The following RARB variants were observed in gnomAD, a reference collection of about 807,000 sequenced individuals.
RARB encodes the protein retinoic acid receptor beta, also known as HBV-activated protein.
RARB carries 17 observed loss-of-function variants against 51.9 expected under a neutral mutation model. That is an observed-to-expected ratio of 0.33 (90% CI 0.22 to 0.49). RARB has a LOEUF of 0.49. RARB is among the 20% of genes least tolerant of loss of function. RARB has a pLI of 0.99. For missense variants in RARB, 369 were observed against 550.8 expected (o/e 0.67, Z 3.30); for synonymous variants, 215 against 195.4 (o/e 1.10, Z -0.84).
rs56751528 is a variant in RARB at position 25,058,848 on chromosome 3, T to C, written c.-379-1277T>C. On this transcript the variant is annotated intron_variant, in intron 2 of 11. Coordinates refer to the RARB transcript ENST00000383772. ...CAGGTCCCTATGAGTGAATATAATCTAGACATTTGAAAATTTTTATATTTG... is the reference window on the plus strand; with the variant it reads ...CAGGTCCCTATGAGTGAATATAATCCAGACATTTGAAAATTTTTATATTTG... Among the ~76,000 whole-genome samples the C allele has an allele frequency of 9.8e-3, 1,492 of 151,864 alleles. 34 individuals carry two copies. Among genetic ancestry groups the C allele is most frequent in the African/African-American group, 0.034 (1,416 of 41,504 alleles).
intron 5 of RARB, among the ~76,000 whole-genome samples, chr3:25,590,766 C>G (rs1435825214): frequency 6.6e-6 from 1 of 152,280 alleles, no homozygotes. Flanking sequence ...ATGATCTATC[C>G]GCCTTGCCCT....
chr3:25,553,319 C>G (rs1559464408), intron 3 of RARB, among the ~76,000 whole-genome samples: 1 of 152,156 alleles, frequency 6.6e-6, no homozygotes. Flanking sequence ...TCTTCACCAC[C>G]CCTCAAGGAA....
chr3:25,286,179 C>G (rs1037354306), intron 5 of RARB, among the ~76,000 whole-genome samples: 2 of 136,450 alleles, frequency 1.5e-5, no homozygotes, highest in African/African-American at 5.4e-5. Context: ...AGCTCCATCT[C>G]CCGGGTTCAC....
chr3:24,973,654 T>C (rs188444484), intron 2 of RARB, among the ~76,000 whole-genome samples: 1 of 152,114 alleles, frequency 6.6e-6, no homozygotes, highest in Admixed American at 6.6e-5. Flanking sequence ...GTTTTCCTTA[T>C]ACAGATCTTT....
chr3:25,284,463 TTTTA>T (rs71061206), intron 5 of RARB, among the ~76,000 whole-genome samples: 14,953 of 152,124 alleles, frequency 0.098, 935 homozygotes, highest in South Asian at 0.25. Context: ...TCAAGTGTAT[TTTTA>T]TTTGAGTAGT....
At chr3:25,205,411 C>A (rs576983014) in intron 5 of RARB, among the ~76,000 whole-genome samples, 2 of 152,114 alleles carry the variant, frequency 1.3e-5, no homozygotes, top group Non-Finnish European at 2.9e-5. Context: ...GGCTCACGTT[C>A]GGTGCGCTGC....
chr3:25,387,442 G>A (rs1238613773), intron 5 of RARB, among the ~76,000 whole-genome samples: 1 of 152,186 alleles, frequency 6.6e-6, no homozygotes, highest in Admixed American at 6.5e-5. Flanking sequence ...GAACCGAAGT[G>A]GGGAGGAGTT....
intron 2 of RARB, among the ~76,000 whole-genome samples, chr3:24,909,027 A>G (rs59964722): frequency 0.034 from 5,207 of 152,270 alleles, 185 homozygotes; most frequent in East Asian, 0.17. Flanking sequence ...CCCGTTATAT[A>G]ACACATTAGA....
At chr3:25,424,713 C>G (rs1168343361), upstream of RARB, among the ~76,000 whole-genome samples, 1 of 152,154 alleles carries the variant, frequency 6.6e-6, no homozygotes, top group East Asian at 1.9e-4. Flanking sequence ...TGAAAATCTT[C>G]TTATTTAGAC....
rs566373510 is a variant in RARB at position 25,240,046 on chromosome 3, G to T, written c.178+65471G>T. Among the ~76,000 whole-genome samples the T allele has an allele frequency of 4.7e-3, 648 of 139,180 alleles. 3 individuals are homozygous for T. The highest frequency in any genetic ancestry group is 0.01 in the African/African-American group (400 of 38,664). 91.3% of individuals were successfully genotyped at this position (139,180 alleles called of 152,430 possible). ...TTTCCTAGGTTGTTGGTGTTTGTTT[G>T]TTTTTTTTTTGTTATCGCTGTTTTG... On this transcript the variant is annotated intron_variant, in intron 5 of 11. Transcript: ENST00000383772.
chr3:25,043,165 A>G (rs946094681), intron 2 of RARB, among the ~76,000 whole-genome samples: 2 of 152,170 alleles, frequency 1.3e-5, no homozygotes, highest in African/African-American at 2.4e-5. Flanking sequence ...TCTTTTTTTA[A>G]TAGTCATAAC....
intron 3 of RARB, among the ~76,000 whole-genome samples, chr3:25,099,993 G>T (rs1699369704): frequency 6.6e-6 from 1 of 152,074 alleles, no homozygotes; most frequent in South Asian, 2.1e-4. Flanking sequence ...GTTTCACTTG[G>T]CCCGTTTTCT....
At chr3:25,448,469 T>C (rs963940600) in intron 1 of RARB, among the ~76,000 whole-genome samples, 25 of 152,202 alleles carry the variant, frequency 1.6e-4, no homozygotes, top group African/African-American at 6.0e-4. Flanking sequence ...GAATCTTTTC[T>C]TTCTTTTTGT....
At chr3:25,388,887 G>C (rs62235650) in intron 5 of RARB, among the ~76,000 whole-genome samples, 4 of 152,086 alleles carry the variant, frequency 2.6e-5, no homozygotes, top group Admixed American at 6.6e-5. Flanking sequence ...AATGTTACTA[G>C]GTTTTTCTTC....
chr3:25,507,505 A>G (rs1040415829), intron 3 of RARB, among the ~76,000 whole-genome samples: 13 of 152,198 alleles, frequency 8.5e-5, no homozygotes, highest in African/African-American at 3.1e-4. Flanking sequence ...AATCCTGTTT[A>G]GACAGCAGTG....
intron 5 of RARB, among the ~76,000 whole-genome samples, chr3:25,237,642 A>T (rs1036516930): frequency 3.9e-5 from 6 of 152,140 alleles, no homozygotes; most frequent in African/African-American, 7.2e-5. Flanking sequence ...CAGTGAGTTT[A>T]ATTTATTAAG....
chr3:25,062,444 A>G (rs1203948703), intron 3 of RARB, among the ~76,000 whole-genome samples: 1 of 151,932 alleles, frequency 6.6e-6, no homozygotes, highest in East Asian at 1.9e-4. Context: ...TTAATTATAG[A>G]CATTCTATAA....
chr3:25,199,157 A>G, intron 5 of RARB, among the ~76,000 whole-genome samples: 1 of 152,114 alleles, frequency 6.6e-6, no homozygotes, highest in East Asian at 1.9e-4. Context: ...ACGTGGATGG[A>G]ACTGGAGGAC....
At chr3:24,999,833 G>A (rs1477144555) in intron 2 of RARB, among the ~76,000 whole-genome samples, 2 of 152,062 alleles carry the variant, frequency 1.3e-5, no homozygotes, top group East Asian at 1.9e-4. Context: ...CTTCAGGGAC[G>A]TTTTCTCCAT....
Sources: allele counts gnomAD v4.1 joint callset (sites outside exome capture counted in the v4.1 genomes callset), GRCh38; gene constraint gnomAD v4.1.1; transcripts MANE v1.5; gene names NCBI Gene and HGNC (gene_info 2026-07-23, HGNC 2026-07-21).